The following CTSB variants were observed in gnomAD, a reference collection of about 807,000 sequenced individuals.
CTSB encodes cathepsin B.
A neutral mutation model predicts 44.3 loss-of-function variants in CTSB; 57 were observed. The ratio of observed to expected loss-of-function variants is 1.29; its 90% confidence interval spans 1.04 to 1.60. The LOEUF is 1.60. Among genes scored for constraint, CTSB ranks in the 40% most tolerant of loss-of-function variants. CTSB has a pLI of 0.00. For missense variants in CTSB, 768 were observed against 443.0 expected (o/e 1.73, Z -6.59); for synonymous variants, 320 against 168.0 (o/e 1.91, Z -7.00).
chr8:11,859,415 A>T (rs1455648432), intron 1 of CTSB, among the ~76,000 whole-genome samples: 1 of 152,120 alleles, frequency 6.6e-6, no homozygotes, highest in Non-Finnish European at 1.5e-5. Context: ...AGGAGGTGTT[A>T]AGTCCTGACA....
Position 11,847,829 on chromosome 8 carries a change from G to T in CTSB, c.533-7C>A. 1.3e-6 allele frequency: 2 copies of T among 1,587,506 alleles called. No individual in the cohort carries two copies. Among genetic ancestry groups the T allele is most frequent in the East Asian group, 4.5e-5 (2 of 44,732 alleles). On this transcript the variant is annotated splice_polypyrimidine_tract_variant and splice_region_variant and intron_variant, in intron 6 of 9. Coordinates refer to ENST00000353047, the MANE Select transcript of CTSB (RefSeq NM_001908.5). ...ATGGAGTACGGTCTGCACCCTGATG[G>T]GACGCGGGAGAAAGCGGAGTCAACC...
At chr8:11,845,532 A>C in intron 9 of CTSB, 129 bp downstream of exon 9, 3 of 1,144,648 alleles carry the variant, frequency 2.6e-6, no homozygotes, top group African/African-American at 1.6e-5. Flanking sequence ...GGCACTTAGG[A>C]GGAGCTCACA....
At chr8:11,865,174 T>G (rs1179838284) in intron 1 of CTSB, among the ~76,000 whole-genome samples, 1 of 152,142 alleles carries the variant, frequency 6.6e-6, no homozygotes, top group East Asian at 1.9e-4. Context: ...TCCCTTTACA[T>G]GGACCATGTG....
intron 5 of CTSB, 146 bp from the exon 6 acceptor site, chr8:11,848,298 C>G (rs1283169878): frequency 4.1e-6 from 3 of 728,088 alleles, no homozygotes; most frequent in Admixed American, 2.0e-5. Context: ...AGACCCCAAA[C>G]CCTCCAAGGG....
rs778486664 is a variant in CTSB at position 11,847,106 on chromosome 8, C to T, written c.739G>A (p.Gly247Ser). ...KDIMAEIYKN[G>S]PVEGAFSVYS... ...ACAGAGAAAGCTCCCTCCACGGGGCCGTTTTTGTAGATCTCGGCCATGATG... is the reference window on the plus strand; with the variant it reads ...ACAGAGAAAGCTCCCTCCACGGGGCTGTTTTTGTAGATCTCGGCCATGATG... The change falls in exon 8 of 10, where the codon GGC becomes AGC. Residue 247 changes from glycine (G) to serine (S), a missense_variant. Gly to Ser is a moderately conservative substitution (Grantham distance 56). Coordinates refer to ENST00000353047, the MANE Select transcript of CTSB (RefSeq NM_001908.5). 29 of 1,613,782 alleles carry T rather than the reference C, an allele frequency of 1.8e-5. No individual in the cohort carries two copies. Among genetic ancestry groups the T allele is most frequent in the Admixed American group, 6.7e-5 (4 of 59,994 alleles).
At position 11,852,627 on chromosome 8, in the gene CTSB, CCCACCCAGGAAGGTA is replaced by C; in HGVS notation, c.180_194del (p.Thr61_Gly65del). The stretch of plus-strand genomic sequence containing the variant: ...GCACTCACCTCTGGGGTGGCTTGGG[CCCACCCAGGAAGGTA>C]CCACATAGCCTCTTCAAGTAGCTCA... On this transcript the variant is annotated inframe_deletion, in exon 3 of 10. Transcript: ENST00000353047. 6.2e-7 allele frequency: 1 copy of C among 1,613,566 alleles called. No homozygotes were observed. The highest frequency in any genetic ancestry group is 2.2e-5 in the East Asian group (1 of 44,864).
Position 11,845,698 on chromosome 8 carries a change from C to T in CTSB, c.885G>A (p.Leu295=), listed in dbSNP as rs1436876543. 1 of 1,614,056 alleles carries T rather than the reference C, an allele frequency of 6.2e-7. No homozygotes were observed. Among genetic ancestry groups the T allele is most frequent in the Non-Finnish European group, 8.5e-7 (1 of 1,179,914 alleles). The change falls in exon 9 of 10, where the codon CTG becomes CTA. Residue 295 remains leucine (L), a synonymous_variant. Transcript: ENST00000353047. ...WGVENGTPYW[L]VANSWNTDWG... ...AGTCAGTGTTCCAGGAGTTGGCAAC[C>T]AGCCAGTAGGGTGTGCCATTCTCCA...
intron 1 of CTSB, chr8:11,853,931 C>T (rs914551920): frequency 6.7e-6 from 1 of 149,166 alleles, no homozygotes; most frequent in African/African-American, 2.7e-5. Flanking sequence ...AGGACACAGA[C>T]AAACAAGCTC....
rs376973997 is a variant in CTSB, at chr8:11,847,230, G to A, written c.677-62C>T. On this transcript the variant is annotated intron_variant, in intron 7 of 9. Coordinates refer to ENST00000353047, the MANE Select transcript of CTSB (RefSeq NM_001908.5). ...GTGACCGTGCCTCGTGGCACGCCAC[G>A]GTCAGCCAGTCACTGATTTCTGGTG... 104 of 1,032,052 alleles carry A rather than the reference G, an allele frequency of 1.0e-4. 1 individual carries two copies. The highest frequency in any genetic ancestry group is 5.0e-4 in the East Asian group (21 of 41,806). 63.9% of individuals were successfully genotyped at this position (1,032,052 alleles called of 1,614,324 possible). A position where few individuals can be genotyped will look rare whatever the true frequency, so the allele number is the denominator to read the frequency against.
chr8:11,845,344 C>G lies in CTSB; in HGVS notation c.923-122G>C, dbSNP rs746668539. ...CACTCCTGCTGTTGGCCCACTAGCA[C>G]AGTCCTCAACACCACAAGGCTTCTG... On this transcript the variant is annotated intron_variant, in intron 9 of 9. Transcript: ENST00000353047. The G allele has an allele frequency of 3.4e-5, 25 of 740,424 alleles. No homozygotes were observed. The East Asian group carries it at 5.9e-4, about 17-fold the overall frequency. The allele number at this position is 740,424 out of a possible 1,614,324, so 45.9% of individuals were successfully genotyped here.
chr8:11,845,314 C>T (rs904250050), intron 9 of CTSB, 92 bp from the exon 10 acceptor site: 2 of 953,854 alleles, frequency 2.1e-6, no homozygotes, highest in Non-Finnish European at 3.3e-6. Flanking sequence ...TCACTCATCC[C>T]TGGCCACTCC....
At chr8:11,846,697 T>TAAAGCAATGC (rs922502721) in intron 8 of CTSB, among the ~76,000 whole-genome samples, 1 of 152,134 alleles carries the variant, frequency 6.6e-6, no homozygotes, top group African/African-American at 2.4e-5. Flanking sequence ...AACATGCTGG[T>TAAAGCAATGC]AAAGCAATGC....
rs1205858746 is a variant in CTSB at position 11,847,496 on chromosome 8, G to A, written c.676+183C>T. Among the ~76,000 whole-genome samples, 9 of 152,304 alleles carry A rather than the reference G, an allele frequency of 5.9e-5. No individual in the cohort carries two copies. The East Asian group carries it at 1.7e-3, about 29-fold the overall frequency. On this transcript the variant is annotated intron_variant, in intron 7 of 9. Coordinates refer to ENST00000353047, the MANE Select transcript of CTSB (RefSeq NM_001908.5). ...AAGGGCTGAGGCTGAGTTCAGGGTGGAACAGGCAGAAAGTGGAGAGTGTGC... is the reference window on the plus strand; with the variant it reads ...AAGGGCTGAGGCTGAGTTCAGGGTGAAACAGGCAGAAAGTGGAGAGTGTGC...
chr8:11,865,128 C>T (rs1480827410), intron 1 of CTSB, among the ~76,000 whole-genome samples: 3 of 152,188 alleles, frequency 2.0e-5, no homozygotes, highest in Non-Finnish European at 4.4e-5. Flanking sequence ...CTGTACATGC[C>T]TCCCCTAGAC....
At position 11,847,051 on chromosome 8, in the gene CTSB, C is replaced by T. The variant is rs1470047296; in HGVS notation, c.793+1G>A. ...TATTGCCATCAGCCATCAGCACGCA[C>T]CTGACTTGTAGAGCAGGAAGTCCGA... On this transcript the variant is annotated splice_donor_variant, in intron 8 of 9. Transcript: ENST00000353047. LOFTEE classifies it high-confidence loss of function. 1 of 1,563,692 alleles carries T rather than the reference C, an allele frequency of 6.4e-7. No individual in the cohort carries two copies.
chr8:11,849,300 G>A (rs1184444795), intron 4 of CTSB, 136 bp from the exon 5 acceptor site: 3 of 590,986 alleles, frequency 5.1e-6, no homozygotes, highest in Non-Finnish European at 9.0e-6. Context: ...CGCTCCTGGG[G>A]CTCAAACTCA....
chr8:11,847,680 G>A lies in CTSB; in HGVS notation c.675C>T (p.Tyr225=), dbSNP rs770163803. Residue 225 remains tyrosine, a splice_region_variant and synonymous_variant, in exon 7 of 10, where the codon TAC becomes TAT. Transcript: ENST00000353047. ...YSPTYKQDKH[Y]GYNSYSVSNS... ...GTGGCCAGGCCCCAGGCCCCTTACCGTAGTGCTTGTCCTGTTTGTAGGTCG... is the reference window on the plus strand; with the variant it reads ...GTGGCCAGGCCCCAGGCCCCTTACCATAGTGCTTGTCCTGTTTGTAGGTCG... 2.1e-5 allele frequency: 33 copies of A among 1,549,486 alleles called. No individual in the cohort carries two copies. The highest frequency in any genetic ancestry group is 2.0e-4 in the South Asian group (16 of 80,640).
intron 1 of CTSB, among the ~76,000 whole-genome samples, chr8:11,855,356 C>G (rs1184681715): frequency 6.6e-6 from 1 of 152,290 alleles, no homozygotes; most frequent in Admixed American, 6.5e-5. Flanking sequence ...TGAAAAAAAT[C>G]AATGCCCTTT....
intron 1 of CTSB, among the ~76,000 whole-genome samples, chr8:11,858,895 T>C (rs1815947417): frequency 6.6e-6 from 1 of 152,230 alleles, no homozygotes; most frequent in African/African-American, 2.4e-5. Flanking sequence ...ACTTCCCTTT[T>C]ATTTCTTAAT....
Sources: allele counts gnomAD v4.1 joint callset (sites outside exome capture counted in the v4.1 genomes callset), GRCh38; gene constraint gnomAD v4.1.1; transcripts MANE v1.5; gene names NCBI Gene and HGNC (gene_info 2026-07-23, HGNC 2026-07-21).